Variants in SMCO4 observed in about 807,000 individuals in gnomAD.
The protein encoded by SMCO4 is single-pass membrane and coiled-coil domain-containing protein 4.
SMCO4 carries 4 observed loss-of-function variants against 3.6 expected under a neutral mutation model. The ratio of observed to expected loss-of-function variants is 1.11; its 90% confidence interval spans 0.54 to 2.53. SMCO4 has a LOEUF of 2.53. Ranked by LOEUF, SMCO4 falls within the 30% of genes most tolerant of loss-of-function variation. The pLI is 0.02. For synonymous variants in SMCO4, 36 were observed against 35.3 expected, an observed-to-expected ratio of 1.02 and a Z score of -0.07; for missense variants, 70 against 80.8, an observed-to-expected ratio of 0.87 and a Z score of 0.51.
chr11:93,513,779 T>A (rs2134612474), intron 1 of SMCO4, among the ~76,000 whole-genome samples: 1 of 152,312 alleles, frequency 6.6e-6, no homozygotes, highest in South Asian at 2.1e-4. Flanking sequence ...CACATCAGAA[T>A]CGTAGTTATT....
intron 2 of SMCO4, among the ~76,000 whole-genome samples, chr11:93,496,740 A>G (rs531516213): frequency 6.6e-6 from 1 of 152,332 alleles, no homozygotes; most frequent in Admixed American, 6.5e-5. Flanking sequence ...TGGGGTTAAG[A>G]AAACAATAAC....
chr11:93,535,905 C>A, intron 1 of SMCO4: 1 of 1,585,362 alleles, frequency 6.3e-7, no homozygotes, highest in Non-Finnish European at 8.6e-7. Flanking sequence ...TTCTGGTTCC[C>A]CCACAGTAGG....
At chr11:93,519,896 C>T (rs1204730005) in intron 1 of SMCO4, among the ~76,000 whole-genome samples, 2 of 152,190 alleles carry the variant, frequency 1.3e-5, no homozygotes, top group Non-Finnish European at 2.9e-5. Context: ...ACTCCAATGC[C>T]AGACCTATAG....
intron 1 of SMCO4, among the ~76,000 whole-genome samples, chr11:93,534,215 T>TACACAC (rs71064754): frequency 1.6e-5 from 2 of 128,438 alleles, no homozygotes; most frequent in African/African-American, 3.0e-5. Context: ...AATATATATA[T>TACACAC]ACACACACAC....
chr11:93,550,575 T>A, the SMCO4 span, among the ~76,000 whole-genome samples: 1 of 152,314 alleles, frequency 6.6e-6, no homozygotes, highest in East Asian at 1.9e-4. Context: ...CTTGGGGGGC[T>A]GAGGCAGGAG....
chr11:93,493,412 G>A (rs1948741064), intron 2 of SMCO4, among the ~76,000 whole-genome samples: 1 of 152,176 alleles, frequency 6.6e-6, no homozygotes, highest in Non-Finnish European at 1.5e-5. Flanking sequence ...ACCAAGGGCT[G>A]CTCATTCTCC....
intron 1 of SMCO4, among the ~76,000 whole-genome samples, chr11:93,510,442 G>A (rs1001155749): frequency 2.0e-5 from 3 of 152,190 alleles, no homozygotes; most frequent in Non-Finnish European, 2.9e-5. Context: ...CCAAGCACAA[G>A]GAGATCCAAG....
At chr11:93,497,929 CT>C (rs966103889) in intron 2 of SMCO4, among the ~76,000 whole-genome samples, 1 of 151,976 alleles carries the variant, frequency 6.6e-6, no homozygotes, top group African/African-American at 2.4e-5. Flanking sequence ...AACTGATTTT[CT>C]TTTTTTTGAG....
intron 1 of SMCO4, among the ~76,000 whole-genome samples, 190 bp downstream of exon 1, chr11:93,543,086 G>A (rs549423142): frequency 2.0e-5 from 3 of 151,598 alleles, no homozygotes; most frequent in African/African-American, 7.3e-5. Flanking sequence ...CCGCCCGCAC[G>A]AGTTGCGCTC....
intron 1 of SMCO4, among the ~76,000 whole-genome samples, chr11:93,505,530 T>C (rs1948890633): frequency 6.6e-6 from 1 of 152,216 alleles, no homozygotes; most frequent in Non-Finnish European, 1.5e-5. Flanking sequence ...GACTATGTGA[T>C]TATTTCCCAA....
At chr11:93,530,785 C>A (rs1949154865) in intron 1 of SMCO4, among the ~76,000 whole-genome samples, 1 of 152,170 alleles carries the variant, frequency 6.6e-6, no homozygotes, top group African/African-American at 2.4e-5. Flanking sequence ...CTCTCTCCCC[C>A]TTCTCCAGCC....
chr11:93,494,013 T>C (rs1054752090), intron 2 of SMCO4, among the ~76,000 whole-genome samples: 1 of 152,178 alleles, frequency 6.6e-6, no homozygotes, highest in African/African-American at 2.4e-5. Flanking sequence ...ATGAGGAAAT[T>C]GTGATAGCCT....
upstream of SMCO4, among the ~76,000 whole-genome samples, chr11:93,543,734 A>C (rs1949293351): frequency 6.6e-6 from 1 of 152,224 alleles, no homozygotes; most frequent in African/African-American, 2.4e-5. Context: ...TTGGAGGCAA[A>C]CGCCATGTCT....
At chr11:93,507,131 G>A (rs1293577694) in intron 1 of SMCO4, among the ~76,000 whole-genome samples, 1 of 152,224 alleles carries the variant, frequency 6.6e-6, no homozygotes, top group East Asian at 1.9e-4. Flanking sequence ...GGGGCCGGGT[G>A]CGGTGGCTCA....
intron 1 of SMCO4, among the ~76,000 whole-genome samples, chr11:93,504,042 G>T (rs1435443781): frequency 6.6e-6 from 1 of 152,196 alleles, no homozygotes; most frequent in Non-Finnish European, 1.5e-5. Flanking sequence ...TATCTCTGAA[G>T]AAGGATTATG....
At chr11:93,479,429 G>A (rs1227736700) in intron 2 of SMCO4, 160 bp from the exon 3 acceptor site, 8 of 662,228 alleles carry the variant, frequency 1.2e-5, no homozygotes, top group African/African-American at 5.4e-5. Context: ...TGGGATCAGC[G>A]CTCTAAGTAG....
In SMCO4 at chr11:93,543,352, C is replaced by A. The variant is rs1257780225; in HGVS notation, c.-230G>T. 3 of 152,208 alleles carry A rather than the reference C, an allele frequency of 2.0e-5. No individual in the cohort carries two copies. The highest frequency in any genetic ancestry group is 4.4e-5 in the Non-Finnish European group (3 of 67,872). 9.4% of individuals were successfully genotyped at this position (152,208 alleles called of 1,614,324 possible). A position where few individuals can be genotyped will look rare whatever the true frequency, so the allele number is the denominator to read the frequency against. On this transcript the variant is annotated 5_prime_UTR_variant, in exon 1 of 3. Transcript: ENST00000298966. ...CAGTGGCCGCCGCCGCTTGCGCTCC[C>A]CGCCTCGCCTCTCCTCTCGGCGCCC...
At chr11:93,501,133 G>C (rs955500374) in intron 1 of SMCO4, among the ~76,000 whole-genome samples, 6 of 152,202 alleles carry the variant, frequency 3.9e-5, no homozygotes, top group African/African-American at 1.4e-4. Flanking sequence ...TAAAATGATA[G>C]AGACTAGATC....
chr11:93,553,321 C>G, the SMCO4 span, among the ~76,000 whole-genome samples: 2 of 152,136 alleles, frequency 1.3e-5, no homozygotes, highest in African/African-American at 4.8e-5. Flanking sequence ...CAGCTTTGAT[C>G]AGATTCTCAA....
Sources: allele counts gnomAD v4.1 joint callset (sites outside exome capture counted in the v4.1 genomes callset), GRCh38; gene constraint gnomAD v4.1.1; transcripts MANE v1.5; gene names NCBI Gene and HGNC (gene_info 2026-07-23, HGNC 2026-07-21).